The following MYO10 variants were observed in gnomAD, a reference collection of about 807,000 sequenced individuals.
The protein encoded by MYO10 is myosin X.
In MYO10, 133 loss-of-function variants were observed where a neutral mutation model predicts 257.3. The ratio of observed to expected loss-of-function variants is 0.52; its 90% CI spans 0.45 to 0.60. The LOEUF (loss-of-function observed/expected upper bound fraction) is 0.60. Among genes scored for constraint, MYO10 ranks in the 20% least tolerant of loss-of-function variants. The pLI is 0.00. For synonymous variants in MYO10, 1,104 were observed against 1,028.6 expected, an observed-to-expected ratio of 1.07 and a Z score of -1.40; for missense variants, 2,399 against 2,635.7, an observed-to-expected ratio of 0.91 and a Z score of 1.97.
chr5:16,687,649 ATCTC>A (rs2126514543), intron 28 of MYO10, among the ~76,000 whole-genome samples: 1 of 152,208 alleles, frequency 6.6e-6, no homozygotes, highest in Admixed American at 6.5e-5. Context: ...ACTAAAATCT[ATCTC>A]GCGTGCTTCC....
intron 36 of MYO10, among the ~76,000 whole-genome samples, chr5:16,673,191 GT>G (rs70940397): frequency 0.014 from 1,855 of 129,714 alleles, 39 homozygotes; most frequent in African/African-American, 0.047. Flanking sequence ...TCCAGATGAC[GT>G]TTTTTTTTTT....
At position 16,673,735 on chromosome 5, in the gene MYO10, G is replaced by A; in HGVS notation, c.5119C>T (p.His1707Tyr). The change falls in exon 36 of 41, where the codon CAT becomes TAT. Residue 1707 changes from histidine to tyrosine, a missense_variant. This residue lies in a region of MYO10 where 1,820 missense variants were observed against 1,939.4 expected (regional missense o/e 0.94). Transcript: ENST00000513610. ...RQEMTSTVYC[H>Y]GGGSCKITIN... Reference sequence around the variant, plus strand: ...GTGATCTTGCAGGAGCCGCCGCCATGGCAATAGACCGTGGATGTCATTTCC... The same window carrying A: ...GTGATCTTGCAGGAGCCGCCGCCATAGCAATAGACCGTGGATGTCATTTCC... 3.1e-6 allele frequency: 5 copies of A among 1,613,960 alleles called. No homozygotes were observed. Among genetic ancestry groups the A allele is most frequent in the Non-Finnish European group, 4.2e-6 (5 of 1,179,906 alleles).
At chr5:16,794,542 T>C (rs1741872319) in intron 4 of MYO10, 104 bp downstream of exon 4, 2 of 1,120,566 alleles carry the variant, frequency 1.8e-6, no homozygotes, top group Non-Finnish European at 2.4e-6. Flanking sequence ...CTCAGGCGGT[T>C]GTAAAAGCTT....
At chr5:16,897,769 G>C (rs897526757) in intron 1 of MYO10, among the ~76,000 whole-genome samples, 2 of 152,306 alleles carry the variant, frequency 1.3e-5, no homozygotes, top group South Asian at 2.1e-4. Flanking sequence ...GTGATTGTAG[G>C]GGGGCAGAGC....
chr5:16,852,047 T>A (rs1293191007), intron 2 of MYO10, among the ~76,000 whole-genome samples: 4 of 53,366 alleles, frequency 7.5e-5, no homozygotes, highest in Non-Finnish European at 9.2e-5. Flanking sequence ...CAAGACTCCA[T>A]CTCAAAAAAA....
At chr5:16,719,028 G>A (rs962934258) in intron 19 of MYO10, among the ~76,000 whole-genome samples, 4 of 151,338 alleles carry the variant, frequency 2.6e-5, no homozygotes, top group Non-Finnish European at 4.4e-5. Context: ...CAACCCGCTC[G>A]GGTCCCCTTC....
intron 2 of MYO10, among the ~76,000 whole-genome samples, chr5:16,855,569 G>C (rs1359121797): frequency 2.0e-5 from 3 of 152,170 alleles, no homozygotes; most frequent in East Asian, 1.9e-4. Context: ...ATCACTGCTC[G>C]GGGAAGGAAA....
intron 2 of MYO10, among the ~76,000 whole-genome samples, chr5:16,845,289 G>T (rs987682379): frequency 1.3e-5 from 2 of 152,052 alleles, no homozygotes; most frequent in African/African-American, 4.8e-5. Flanking sequence ...AGACCACAGA[G>T]ATAATTTCTC....
At chr5:16,917,491 C>T (rs1371085731) in intron 1 of MYO10, among the ~76,000 whole-genome samples, 1 of 152,094 alleles carries the variant, frequency 6.6e-6, no homozygotes, top group East Asian at 1.9e-4. Flanking sequence ...CCAGAAATGT[C>T]TCCTGATACT....
chr5:16,757,811 T>C (rs114772324), intron 18 of MYO10, among the ~76,000 whole-genome samples: 3 of 152,106 alleles, frequency 2.0e-5, no homozygotes, highest in Non-Finnish European at 2.9e-5. Flanking sequence ...ACTACAGGCA[T>C]GCGCCACCGC....
rs558320896 is a variant in MYO10 at position 16,908,049 on chromosome 5, A to G, written c.21+27739T>C. Among the ~76,000 whole-genome samples, 3 of 152,318 alleles carry G rather than the reference A, an allele frequency of 2.0e-5. No homozygotes were observed. In the East Asian group the frequency reaches 5.8e-4, roughly 29 times the overall value. On this transcript the variant is annotated intron_variant, in intron 1 of 40. Coordinates refer to ENST00000513610, the MANE Select transcript of MYO10 (RefSeq NM_012334.3). ...GGAGTTTGGGACCAGCCTGGCCAAC[A>G]TGGCAAAACCCTGTCTCTACTAAAA...
chr5:16,738,415 G>A, intron 19 of MYO10: 5 of 985,368 alleles, frequency 5.1e-6, no homozygotes, highest in Non-Finnish European at 6.0e-6. Context: ...TTAGAAAGAA[G>A]AAAATAGTCA....
At chr5:16,824,876 A>G (rs994345409) in intron 2 of MYO10, among the ~76,000 whole-genome samples, 41 of 152,162 alleles carry the variant, frequency 2.7e-4, no homozygotes, top group Non-Finnish European at 5.9e-5. Context: ...CAAAGAAACA[A>G]AACAAAACAA....
intron 19 of MYO10, among the ~76,000 whole-genome samples, chr5:16,746,206 G>C (rs779625918): frequency 1.3e-5 from 2 of 152,184 alleles, no homozygotes; most frequent in Non-Finnish European, 2.9e-5. Flanking sequence ...AACTGTCACG[G>C]TGCTGATGCG....
chr5:16,925,435 G>A (rs1340271400), intron 1 of MYO10, among the ~76,000 whole-genome samples: 1 of 152,058 alleles, frequency 6.6e-6, no homozygotes, highest in African/African-American at 2.4e-5. Context: ...TATACTCCTG[G>A]GTTGCCCAGG....
At chr5:16,902,892 C>T (rs1447973764) in intron 1 of MYO10, among the ~76,000 whole-genome samples, 1 of 152,188 alleles carries the variant, frequency 6.6e-6, no homozygotes, top group Non-Finnish European at 1.5e-5. Context: ...TTTATTTAGC[C>T]CTCGTGGCTG....
chr5:16,781,791 T>G lies in MYO10; in HGVS notation c.641A>C (p.Tyr214Ser). 1.9e-6 allele frequency: 3 copies of G among 1,614,042 alleles called. No homozygotes were observed. The highest frequency in any genetic ancestry group is 2.5e-6 in the Non-Finnish European group (3 of 1,179,896). ...MEAFGNAKTV[Y>S]NNNSSRFGKF... is the part of the protein sequence containing the mutation. ...CCCAAAGCGACTAGAGTTGTTGTTG[T>G]ACACGGTCTTCGCATTGCCGAAAGC... Residue 214 changes from tyrosine (Y) to serine (S), a missense_variant, in exon 6 of 41, where the codon TAC becomes TCC. Tyr to Ser is a moderately radical substitution (Grantham distance 144). Transcript: ENST00000513610.
intron 27 of MYO10, among the ~76,000 whole-genome samples, chr5:16,694,164 C>T (rs2126530055): frequency 6.6e-6 from 1 of 152,346 alleles, no homozygotes; most frequent in East Asian, 1.9e-4. Flanking sequence ...ATGACAGCCA[C>T]ATGTCTGAGT....
chr5:16,677,544 T>C (rs1736792361), intron 33 of MYO10, among the ~76,000 whole-genome samples: 1 of 151,394 alleles, frequency 6.6e-6, no homozygotes, highest in South Asian at 2.1e-4. Context: ...GCCTCCCGAG[T>C]AGCTGGGACT....
Sources: allele counts gnomAD v4.1 joint callset (sites outside exome capture counted in the v4.1 genomes callset), GRCh38; gene constraint gnomAD v4.1.1; regional missense constraint gnomAD v4.1.1; transcripts MANE v1.5; gene names NCBI Gene and HGNC (gene_info 2026-07-23, HGNC 2026-07-21).